SH3RF3: variants seen among roughly 807,000 people sequenced by gnomAD.
SH3RF3 encodes the protein SH3 domain containing ring finger 3.
SH3RF3 carries 29 observed loss-of-function variants against 66.3 expected under a neutral mutation model. The ratio of observed to expected loss-of-function variants is 0.44; its 90% CI spans 0.33 to 0.60. The LOEUF (loss-of-function observed/expected upper bound fraction) is 0.60, where lower values mean the gene tolerates loss of function less well. Ranked by LOEUF, SH3RF3 falls within the 20% of genes least tolerant of loss-of-function variation. SH3RF3 has a pLI of 0.04. For missense variants in SH3RF3, 1,194 were observed against 1,190.9 expected, an observed-to-expected ratio of 1.00 and a Z score of -0.04; for synonymous variants, 583 against 532.0, an observed-to-expected ratio of 1.10 and a Z score of -1.32.
intron 8 of SH3RF3, among the ~76,000 whole-genome samples, chr2:109,476,631 G>T (rs527274512): frequency 1.9e-4 from 29 of 152,300 alleles, no homozygotes; most frequent in Non-Finnish European, 3.8e-4. Context: ...CAGGAAAGGG[G>T]TCCCAATCCA....
chr2:109,502,476 G>A lies in SH3RF3; in HGVS notation c.*805G>A, dbSNP rs1365221270. ...AAAAGATGTCTGAGGCGACATCAAA[G>A]GGGCAGAATTTTTATATTTCCCATA... On this transcript the variant is annotated 3_prime_UTR_variant, in exon 10 of 10. Coordinates refer to ENST00000309415, the MANE Select transcript of SH3RF3 (RefSeq NM_001099289.3). 6.6e-6 allele frequency: 1 copy of A among 152,192 alleles called. No individual in the cohort carries two copies. The highest frequency in any genetic ancestry group is 1.5e-5 in the Non-Finnish European group (1 of 68,040). The allele number at this position is 152,192 out of a possible 1,614,324, so 9.4% of individuals were successfully genotyped here.
At chr2:109,345,490 T>A (rs907642544) in intron 1 of SH3RF3, among the ~76,000 whole-genome samples, 1 of 152,136 alleles carries the variant, frequency 6.6e-6, no homozygotes, top group Non-Finnish European at 1.5e-5. Context: ...AACACGGCTT[T>A]TAAGCCTCAC....
At chr2:109,214,481 A>T (rs1465024537) in intron 1 of SH3RF3, among the ~76,000 whole-genome samples, 1 of 152,130 alleles carries the variant, frequency 6.6e-6, no homozygotes, top group African/African-American at 2.4e-5. Context: ...GAGAAAAAAA[A>T]AAAAAGGAGT....
chr2:109,257,770 A>G (rs1452809991), intron 1 of SH3RF3, among the ~76,000 whole-genome samples: 3 of 152,160 alleles, frequency 2.0e-5, no homozygotes, highest in African/African-American at 7.2e-5. Flanking sequence ...TGCAGAAACA[A>G]GGGCTGAAAA....
intron 7 of SH3RF3, among the ~76,000 whole-genome samples, chr2:109,441,108 A>G (rs1317710774): frequency 6.8e-6 from 1 of 146,102 alleles, no homozygotes; most frequent in African/African-American, 2.6e-5. Flanking sequence ...CCCAGAACAA[A>G]GCTTAAGAAT....
intron 1 of SH3RF3, among the ~76,000 whole-genome samples, chr2:109,145,336 G>A (rs984787573): frequency 3.3e-5 from 5 of 152,182 alleles, no homozygotes; most frequent in Admixed American, 6.5e-5. Context: ...CTTCATGCCA[G>A]GTTTGCAGTC....
intron 1 of SH3RF3, among the ~76,000 whole-genome samples, chr2:109,153,081 C>T (rs1359907942): frequency 1.3e-5 from 2 of 152,196 alleles, no homozygotes; most frequent in Non-Finnish European, 2.9e-5. Context: ...AAGACAGTCA[C>T]TGTGAAGCTT....
intron 9 of SH3RF3, among the ~76,000 whole-genome samples, chr2:109,491,947 G>T (rs1679141109): frequency 6.6e-6 from 1 of 152,188 alleles, no homozygotes; most frequent in Non-Finnish European, 1.5e-5. Flanking sequence ...ATGAGACGGG[G>T]TCTATCTAGA....
chr2:109,153,784 G>A (rs185550600), intron 1 of SH3RF3, among the ~76,000 whole-genome samples: 76 of 152,248 alleles, frequency 5.0e-4, no homozygotes, highest in Admixed American at 5.2e-4. Context: ...ACCACCCCCC[G>A]ACCCCCGATG....
intron 1 of SH3RF3, among the ~76,000 whole-genome samples, chr2:109,325,506 T>C (rs780898276): frequency 8.6e-5 from 13 of 151,738 alleles, no homozygotes; most frequent in Non-Finnish European, 1.3e-4. Flanking sequence ...ATGTACAGCA[T>C]ATCATTTCCT....
chr2:109,231,883 T>C (rs899352202), intron 1 of SH3RF3, among the ~76,000 whole-genome samples: 9 of 152,258 alleles, frequency 5.9e-5, no homozygotes, highest in Admixed American at 5.9e-4. Flanking sequence ...GTAATTCACA[T>C]GCCATGTAAT....
At chr2:109,406,256 C>T (rs1029287603) in intron 4 of SH3RF3, among the ~76,000 whole-genome samples, 1 of 152,064 alleles carries the variant, frequency 6.6e-6, no homozygotes, top group Non-Finnish European at 1.5e-5. Flanking sequence ...TTCAGGCCAA[C>T]TCCACTATGA....
intron 9 of SH3RF3, among the ~76,000 whole-genome samples, chr2:109,492,266 A>G (rs1018037472): frequency 6.6e-6 from 1 of 152,156 alleles, no homozygotes; most frequent in African/African-American, 2.4e-5. Context: ...CACAGCTCTA[A>G]GACTACACAA....
intron 8 of SH3RF3, among the ~76,000 whole-genome samples, chr2:109,450,270 C>T (rs990363262): frequency 2.0e-5 from 3 of 151,776 alleles, no homozygotes; most frequent in Admixed American, 6.6e-5. Flanking sequence ...CACTGGAAAC[C>T]GGGGGGCAGA....
intron 1 of SH3RF3, among the ~76,000 whole-genome samples, chr2:109,334,997 C>T (rs947986454): frequency 6.6e-6 from 1 of 152,256 alleles, no homozygotes; most frequent in Non-Finnish European, 1.5e-5. Flanking sequence ...GCTCTGAGAA[C>T]GCGATTTATG....
At chr2:109,283,752 C>T (rs570248303) in intron 1 of SH3RF3, among the ~76,000 whole-genome samples, 93 of 152,284 alleles carry the variant, frequency 6.1e-4, no homozygotes, top group African/African-American at 1.9e-3. Context: ...AGAGGTGCTA[C>T]GTGCTGGATT....
intron 3 of SH3RF3, among the ~76,000 whole-genome samples, chr2:109,379,139 A>G (rs1234059847): frequency 1.3e-5 from 2 of 152,196 alleles, no homozygotes; most frequent in Non-Finnish European, 2.9e-5. Flanking sequence ...ATATCTGCAA[A>G]TCTTGTTTCA....
chr2:109,187,849 T>C (rs1375767139), intron 1 of SH3RF3, among the ~76,000 whole-genome samples: 1 of 152,208 alleles, frequency 6.6e-6, no homozygotes, highest in Non-Finnish European at 1.5e-5. Context: ...TCTCAGCTTA[T>C]CAGCACGGAC....
At chr2:109,465,986 A>G (rs1383393536) in intron 8 of SH3RF3, among the ~76,000 whole-genome samples, 1 of 150,570 alleles carries the variant, frequency 6.6e-6, no homozygotes, top group East Asian at 2.0e-4. Flanking sequence ...ACAATTCAGC[A>G]TGAGCTATGG....
Sources: gnomAD v4.1 joint callset for allele counts (sites outside exome capture counted in the v4.1 genomes callset) on GRCh38, gnomAD v4.1.1 for gene constraint, MANE v1.5 for transcripts, NCBI Gene and HGNC (gene_info 2026-07-23, HGNC 2026-07-21) for gene names.